HS3ST3A1: variants seen among roughly 807,000 people sequenced by gnomAD.
HS3ST3A1 encodes the protein heparan sulfate glucosamine 3-O-sulfotransferase 3A1.
In HS3ST3A1, 19 loss-of-function variants were observed where a neutral mutation model predicts 25.7. The ratio of observed to expected loss-of-function variants is 0.74; its 90% confidence interval spans 0.52 to 1.08. The LOEUF is 1.08. Ranked by LOEUF, HS3ST3A1 falls within the 50% of genes least tolerant of loss-of-function variation. HS3ST3A1 has a pLI of 0.00. For missense variants in HS3ST3A1, 459 were observed against 594.3 expected, an observed-to-expected ratio of 0.77 and a Z score of 2.37; for synonymous variants, 226 against 278.6, an observed-to-expected ratio of 0.81 and a Z score of 1.88.
intron 1 of HS3ST3A1, among the ~76,000 whole-genome samples, chr17:13,500,140 C>T (rs530807406): frequency 1.2e-4 from 18 of 152,034 alleles, no homozygotes; most frequent in Admixed American, 1.0e-3. Flanking sequence ...TGGATTTTAA[C>T]GTTCAACAAA....
chr17:13,498,308 A>G lies in HS3ST3A1; in HGVS notation c.600-1490T>C, dbSNP rs142496662. On this transcript the variant is annotated intron_variant, in intron 1 of 1. Coordinates refer to ENST00000284110, the MANE Select transcript of HS3ST3A1 (RefSeq NM_006042.3). Reference sequence around the variant, plus strand: ...CTGGGACTCAGAAAACAGTACTCCAAAGTGAAGGCCTCAAAAGCAGCCTCA... The same window carrying G: ...CTGGGACTCAGAAAACAGTACTCCAGAGTGAAGGCCTCAAAAGCAGCCTCA... 3.0e-3 allele frequency among the ~76,000 whole-genome samples: 455 copies of G among 152,266 alleles called. 2 individuals carry two copies. Among genetic ancestry groups the G allele is most frequent in the African/African-American group, 0.01 (434 of 41,552 alleles).
At chr17:13,543,425 T>TC (rs1322821395) in intron 1 of HS3ST3A1, 1 of 165,686 alleles carries the variant, frequency 6.0e-6, no homozygotes, top group African/African-American at 2.4e-5. Context: ...ATATTTTTTT[T>TC]TCTCTGACAT....
At chr17:13,583,673 A>G (rs1908172827) in intron 1 of HS3ST3A1, among the ~76,000 whole-genome samples, 1 of 152,232 alleles carries the variant, frequency 6.6e-6, no homozygotes, top group African/African-American at 2.4e-5. Flanking sequence ...TCCCAATATT[A>G]AATCTAAAGA....
chr17:13,550,858 G>A (rs553189019), intron 1 of HS3ST3A1, among the ~76,000 whole-genome samples: 2 of 152,208 alleles, frequency 1.3e-5, no homozygotes, highest in East Asian at 1.9e-4. Context: ...CTCGATGTCC[G>A]AAGATCGAGA....
At chr17:13,510,948 C>A (rs185016289) in intron 1 of HS3ST3A1, among the ~76,000 whole-genome samples, 10 of 152,318 alleles carry the variant, frequency 6.6e-5, no homozygotes, top group Admixed American at 2.6e-4. Context: ...TTATTAATCA[C>A]TCTTATGATA....
intron 1 of HS3ST3A1, among the ~76,000 whole-genome samples, chr17:13,516,725 G>A (rs1193680070): frequency 6.6e-6 from 1 of 152,182 alleles, no homozygotes; most frequent in Non-Finnish European, 1.5e-5. Context: ...TCAATCGAGT[G>A]ATTTTTTGGA....
At chr17:13,555,284 A>C (rs1907343345) in intron 1 of HS3ST3A1, among the ~76,000 whole-genome samples, 1 of 152,210 alleles carries the variant, frequency 6.6e-6, no homozygotes, top group South Asian at 2.1e-4. Context: ...TGTTTCAAGC[A>C]GTATGGGAAT....
intron 1 of HS3ST3A1, among the ~76,000 whole-genome samples, chr17:13,527,577 G>A (rs910513169): frequency 2.6e-5 from 4 of 152,134 alleles, no homozygotes; most frequent in African/African-American, 9.7e-5. Context: ...ACAGCACAAA[G>A]ATTGCTCACC....
intron 1 of HS3ST3A1, among the ~76,000 whole-genome samples, chr17:13,558,773 C>T (rs1907448758): frequency 6.6e-6 from 1 of 152,108 alleles, no homozygotes; most frequent in Non-Finnish European, 1.5e-5. Flanking sequence ...TTAGAGACTG[C>T]AGAGTTGCAT....
chr17:13,516,948 A>G (rs1906075061), intron 1 of HS3ST3A1, among the ~76,000 whole-genome samples: 1 of 152,148 alleles, frequency 6.6e-6, no homozygotes, highest in Admixed American at 6.5e-5. Flanking sequence ...GGCCTCCTAA[A>G]GTGCTGGGAT....
intron 1 of HS3ST3A1, among the ~76,000 whole-genome samples, chr17:13,518,604 A>G (rs1040153663): frequency 1.3e-5 from 2 of 152,132 alleles, no homozygotes; most frequent in African/African-American, 2.4e-5. Flanking sequence ...TACTTAGTTT[A>G]TCCATGTGAC....
intron 1 of HS3ST3A1, among the ~76,000 whole-genome samples, chr17:13,519,627 ATCT>A (rs1254224601): frequency 6.6e-6 from 1 of 152,188 alleles, no homozygotes; most frequent in Non-Finnish European, 1.5e-5. Flanking sequence ...TGATCTATTA[ATCT>A]TCTTGAGATT....
intron 1 of HS3ST3A1, among the ~76,000 whole-genome samples, chr17:13,596,168 A>T (rs1908570348): frequency 6.6e-6 from 1 of 152,158 alleles, no homozygotes. Context: ...AGAGCGTATT[A>T]TAAATCTCAT....
At chr17:13,519,225 T>G (rs1906147260) in intron 1 of HS3ST3A1, among the ~76,000 whole-genome samples, 1 of 152,228 alleles carries the variant, frequency 6.6e-6, no homozygotes, top group Non-Finnish European at 1.5e-5. Context: ...AGAAAATAGG[T>G]CTTGATCCTG....
At chr17:13,595,844 TTGGTTGTTGTTG>T (rs1240560344) in intron 1 of HS3ST3A1, among the ~76,000 whole-genome samples, 1 of 54,842 alleles carries the variant, frequency 1.8e-5, no homozygotes, top group Non-Finnish European at 3.8e-5. Flanking sequence ...CGAGGCCTTT[TTGGTTGTTGTTG>T]TTGTTGTTGT....
intron 1 of HS3ST3A1, among the ~76,000 whole-genome samples, chr17:13,506,782 A>T (rs2142300764): frequency 6.6e-6 from 1 of 151,838 alleles, no homozygotes; most frequent in South Asian, 2.1e-4. Flanking sequence ...GGAGGCCGGG[A>T]GCGGTGGCTC....
intron 1 of HS3ST3A1, among the ~76,000 whole-genome samples, chr17:13,521,436 T>G (rs1046496214): frequency 2.0e-5 from 3 of 152,204 alleles, no homozygotes; most frequent in African/African-American, 7.2e-5. Flanking sequence ...AGAAAGAAGT[T>G]GAGTGCTGTT....
intron 1 of HS3ST3A1, among the ~76,000 whole-genome samples, chr17:13,567,123 A>G (rs912986174): frequency 2.0e-5 from 3 of 152,232 alleles, no homozygotes; most frequent in South Asian, 2.1e-4. Context: ...GCTGAAGCCA[A>G]TGCTCATTTG....
At chr17:13,559,603 T>G (rs1907473620) in intron 1 of HS3ST3A1, among the ~76,000 whole-genome samples, 1 of 150,070 alleles carries the variant, frequency 6.7e-6, no homozygotes. Context: ...ATGTTTAATT[T>G]ATTATTGGCT....
Sources: gnomAD v4.1 joint callset for allele counts (sites outside exome capture counted in the v4.1 genomes callset) on GRCh38, gnomAD v4.1.1 for gene constraint, MANE v1.5 for transcripts, NCBI Gene and HGNC (gene_info 2026-07-23, HGNC 2026-07-21) for gene names.